PRKCA: variants seen among roughly 807,000 people sequenced by gnomAD.
PRKCA encodes protein kinase C alpha type.
A neutral mutation model predicts 87.0 loss-of-function variants in PRKCA; 27 were observed. That is an observed-to-expected ratio of 0.31 (90% CI 0.23 to 0.43). PRKCA has a LOEUF of 0.43. Among genes scored for constraint, PRKCA ranks in the 20% least tolerant of loss-of-function variants. PRKCA has a pLI of 1.00. For missense variants in PRKCA, 518 were observed against 852.3 expected, an observed-to-expected ratio of 0.61 and a Z score of 4.88; for synonymous variants, 329 against 311.1, an observed-to-expected ratio of 1.06 and a Z score of -0.61.
At chr17:66,721,071 A>G (rs1197866098) in intron 8 of PRKCA, among the ~76,000 whole-genome samples, 1 of 152,164 alleles carries the variant, frequency 6.6e-6, no homozygotes, top group African/African-American at 2.4e-5. Context: ...CCACAGAGTA[A>G]AGTGAAAGCA....
chr17:66,454,988 G>A (rs1914514192), intron 2 of PRKCA, among the ~76,000 whole-genome samples: 1 of 152,260 alleles, frequency 6.6e-6, no homozygotes, highest in Non-Finnish European at 1.5e-5. Context: ...GCGGACCCAG[G>A]CAGCAGTGGA....
At chr17:66,465,035 G>C (rs553321950) in intron 2 of PRKCA, among the ~76,000 whole-genome samples, 1 of 152,206 alleles carries the variant, frequency 6.6e-6, no homozygotes, top group Admixed American at 6.5e-5. Flanking sequence ...AAAGGGATTG[G>C]TGGTTTTTGT....
chr17:66,592,075 C>A (rs1272981736), intron 3 of PRKCA, among the ~76,000 whole-genome samples: 1 of 152,080 alleles, frequency 6.6e-6, no homozygotes, highest in Non-Finnish European at 1.5e-5. Flanking sequence ...AAGTTACCAG[C>A]TGAGCTCTGT....
chr17:66,475,641 T>C (rs750292641), intron 2 of PRKCA, among the ~76,000 whole-genome samples: 3 of 152,188 alleles, frequency 2.0e-5, no homozygotes, highest in Non-Finnish European at 4.4e-5. Context: ...TTACCTCTCC[T>C]AAACCAATCC....
At chr17:66,788,292 A>T (rs9896349) in intron 15 of PRKCA, among the ~76,000 whole-genome samples, 83,322 of 152,002 alleles carry the variant, frequency 0.55, 26,238 homozygotes, top group African/African-American at 0.87. Context: ...GAGTTCATAG[A>T]CAGTGTTTGT....
chr17:66,545,449 T>C (rs540996983), intron 3 of PRKCA, among the ~76,000 whole-genome samples: 4 of 152,320 alleles, frequency 2.6e-5, no homozygotes, highest in African/African-American at 9.6e-5. Flanking sequence ...ATAATTTATC[T>C]ACATACTGTA....
chr17:66,656,829 C>T (rs545685082), intron 5 of PRKCA, among the ~76,000 whole-genome samples: 18 of 152,224 alleles, frequency 1.2e-4, no homozygotes, highest in East Asian at 1.2e-3. Context: ...TCATCTTCAA[C>T]GGTGGGTGGG....
chr17:66,410,500 T>C (rs1911719917), intron 2 of PRKCA, among the ~76,000 whole-genome samples: 1 of 152,170 alleles, frequency 6.6e-6, no homozygotes, highest in African/African-American at 2.4e-5. Context: ...TTAAAAAATA[T>C]TGTTATTTTT....
chr17:66,308,131 A>C (rs1388711770), intron 2 of PRKCA, among the ~76,000 whole-genome samples: 1 of 152,142 alleles, frequency 6.6e-6, no homozygotes, highest in Non-Finnish European at 1.5e-5. Flanking sequence ...TACCTTTGTC[A>C]AGAGCATTAT....
chr17:66,535,670 A>T (rs536586184), intron 3 of PRKCA, among the ~76,000 whole-genome samples: 2 of 152,276 alleles, frequency 1.3e-5, no homozygotes, highest in Admixed American at 1.3e-4. Context: ...TCCCTGTTGG[A>T]TCTGTCCTTC....
At chr17:66,453,058 T>A (rs1914403952) in intron 2 of PRKCA, among the ~76,000 whole-genome samples, 1 of 152,138 alleles carries the variant, frequency 6.6e-6, no homozygotes, top group Non-Finnish European at 1.5e-5. Flanking sequence ...GCCAAGAATA[T>A]TTTTCCCCAC....
At chr17:66,464,017 A>G (rs868593396) in intron 2 of PRKCA, among the ~76,000 whole-genome samples, 1 of 152,150 alleles carries the variant, frequency 6.6e-6, no homozygotes, top group Admixed American at 6.5e-5. Flanking sequence ...AAGATCTTCT[A>G]TGCTCCACCA....
intron 14 of PRKCA, among the ~76,000 whole-genome samples, chr17:66,784,567 GAAAATCTCCTTCGCCA>G (rs1173289124): frequency 6.6e-6 from 1 of 152,214 alleles, no homozygotes; most frequent in African/African-American, 2.4e-5. Context: ...TTTTAGTTAT[GAAAATCTCCTTCGCCA>G]AAACTCAGCC....
rs371968578 is a variant in PRKCA at position 66,714,312 on chromosome 17, G to A, written c.919-18376G>A. Among the ~76,000 whole-genome samples, 20 of 152,144 alleles carry A rather than the reference G, an allele frequency of 1.3e-4. No individual in the cohort carries two copies. In the East Asian group the frequency reaches 2.1e-3, roughly 16 times the overall value. On this transcript the variant is annotated intron_variant, in intron 8 of 16. Coordinates refer to ENST00000413366, the MANE Select transcript of PRKCA (RefSeq NM_002737.3). ...TCATGCATGGGGCCAGAGAGCTAGG[G>A]TGCAAATACCATGTGTAAAGGGAAA...
intron 2 of PRKCA, among the ~76,000 whole-genome samples, chr17:66,398,687 C>T (rs566037175): frequency 4.1e-4 from 63 of 152,130 alleles, no homozygotes; most frequent in Non-Finnish European, 6.5e-4. Context: ...AAGGAAGAGT[C>T]GGAAGCATAT....
chr17:66,502,907 C>T (rs1018929378), intron 3 of PRKCA, among the ~76,000 whole-genome samples: 3 of 152,292 alleles, frequency 2.0e-5, no homozygotes, highest in African/African-American at 2.4e-5. Flanking sequence ...GATCCGCCTG[C>T]CTTGGCCTCC....
At chr17:66,645,314 A>G in intron 4 of PRKCA, 69 bp from the exon 5 acceptor site, 12 of 1,605,570 alleles carry the variant, frequency 7.5e-6, no homozygotes, top group Non-Finnish European at 9.4e-6. Flanking sequence ...GTGCTCATGC[A>G]CCAAAACACT....
chr17:66,507,547 C>G (rs1320620683), intron 3 of PRKCA, among the ~76,000 whole-genome samples: 18 of 152,158 alleles, frequency 1.2e-4, no homozygotes, highest in Admixed American at 1.2e-3. Flanking sequence ...ACAGTAAAAA[C>G]CTTCACAAGG....
intron 3 of PRKCA, among the ~76,000 whole-genome samples, chr17:66,585,643 C>G (rs938673011): frequency 1.3e-5 from 2 of 152,200 alleles, no homozygotes; most frequent in African/African-American, 4.8e-5. Context: ...GACGCACTTC[C>G]CCATTCCCCA....
Sources: allele counts gnomAD v4.1 joint callset (sites outside exome capture counted in the v4.1 genomes callset), GRCh38; gene constraint gnomAD v4.1.1; transcripts MANE v1.5; gene names NCBI Gene and HGNC (gene_info 2026-07-23, HGNC 2026-07-21).